Variants in CCDC171 observed in about 807,000 individuals in gnomAD.
CCDC171 encodes the protein coiled-coil domain-containing protein 171.
A neutral mutation model predicts 168.2 loss-of-function variants in CCDC171; 177 were observed. The ratio of observed to expected loss-of-function variants is 1.05; its 90% CI spans 0.93 to 1.19. The LOEUF is 1.19. Among genes scored for constraint, CCDC171 ranks in the 50% most tolerant of loss-of-function variants. The probability of loss-of-function intolerance (pLI) is 0.00; values close to 1 mark genes in which losing one functional copy is unlikely to be tolerated. For missense variants in CCDC171, 1,991 were observed against 1,539.0 expected (o/e 1.29, Z -4.91); for synonymous variants, 687 against 540.8 (o/e 1.27, Z -3.75).
the CCDC171 span, among the ~76,000 whole-genome samples, chr9:16,092,734 C>T: frequency 2.6e-5 from 4 of 152,170 alleles, no homozygotes; most frequent in Non-Finnish European, 5.9e-5. Flanking sequence ...GCAAGTTTAC[C>T]CTGGGCTCAC....
chr9:15,564,193 C>A, intron 2 of CCDC171, 64 bp downstream of exon 2: 2 of 1,256,358 alleles, frequency 1.6e-6, no homozygotes, highest in South Asian at 2.5e-5. Context: ...AGGGAGAAGT[C>A]AGTGGTTGTA....
intron 8 of CCDC171, among the ~76,000 whole-genome samples, chr9:15,659,304 T>C (rs1587794840): frequency 6.6e-6 from 1 of 152,212 alleles, no homozygotes; most frequent in African/African-American, 2.4e-5. Context: ...AGGAGATTTG[T>C]TGGACCTGCT....
At chr9:16,080,848 C>A in the CCDC171 span, among the ~76,000 whole-genome samples, 1 of 152,124 alleles carries the variant, frequency 6.6e-6, no homozygotes, top group Admixed American at 6.6e-5. Context: ...TCTGCTGCCC[C>A]CAGGCTGTAT....
chr9:15,770,417 C>A (rs1480051825), intron 18 of CCDC171, among the ~76,000 whole-genome samples: 1 of 152,088 alleles, frequency 6.6e-6, no homozygotes, highest in African/African-American at 2.4e-5. Context: ...AATCCCACAT[C>A]TCTTGATTTA....
intron 3 of CCDC171, among the ~76,000 whole-genome samples, chr9:15,987,937 T>C (rs914492059): frequency 6.6e-6 from 1 of 152,168 alleles, no homozygotes; most frequent in African/African-American, 2.4e-5. Flanking sequence ...CACTGAACCA[T>C]TGGGAAAAAA....
intron 21 of CCDC171, among the ~76,000 whole-genome samples, chr9:15,834,844 G>A (rs1400913012): frequency 6.6e-6 from 1 of 152,162 alleles, no homozygotes; most frequent in East Asian, 1.9e-4. Context: ...AGATGAAACA[G>A]GATGCTACTT....
chr9:16,052,627 AG>A (rs1311894965), intron 1 of CCDC171, among the ~76,000 whole-genome samples: 1 of 152,128 alleles, frequency 6.6e-6, no homozygotes, highest in African/African-American at 2.4e-5. Context: ...AACATTCTTA[AG>A]AGTTAATCAT....
intron 24 of CCDC171, chr9:15,887,743 G>A (rs1051576021): frequency 1.6e-4 from 24 of 151,840 alleles, no homozygotes; most frequent in African/African-American, 5.8e-4. Flanking sequence ...ATTTCATTTA[G>A]AAATAGTATT....
the CCDC171 span, among the ~76,000 whole-genome samples, chr9:16,079,139 C>T: frequency 6.6e-6 from 1 of 152,198 alleles, no homozygotes; most frequent in South Asian, 2.1e-4. Flanking sequence ...TTTGACCAAT[C>T]ATTGTTTTGT....
At chr9:16,023,507 A>G (rs1011629940) in intron 6 of CCDC171, among the ~76,000 whole-genome samples, 2 of 152,294 alleles carry the variant, frequency 1.3e-5, no homozygotes, top group Admixed American at 1.3e-4. Flanking sequence ...ATTTATTCCT[A>G]TAGCTTGAGG....
At chr9:15,892,970 A>G (rs1430897027) in intron 24 of CCDC171, among the ~76,000 whole-genome samples, 1 of 152,196 alleles carries the variant, frequency 6.6e-6, no homozygotes, top group Admixed American at 6.5e-5. Context: ...AAGAACCTGA[A>G]TAGCCAAGAC....
At chr9:15,854,803 A>G (rs536979886) in intron 23 of CCDC171, among the ~76,000 whole-genome samples, 2 of 151,610 alleles carry the variant, frequency 1.3e-5, no homozygotes, top group East Asian at 3.9e-4. Context: ...ATATTCATCT[A>G]TTTCAAAATA....
chr9:15,640,765 C>T (rs1268803804), intron 7 of CCDC171, among the ~76,000 whole-genome samples: 1 of 152,064 alleles, frequency 6.6e-6, no homozygotes, highest in Non-Finnish European at 1.5e-5. Context: ...ATATATGACT[C>T]TAGCGATTAA....
chr9:15,926,667 G>A (rs570041574), intron 25 of CCDC171, among the ~76,000 whole-genome samples: 5 of 151,620 alleles, frequency 3.3e-5, no homozygotes, highest in Non-Finnish European at 5.9e-5. Context: ...TTTGATATTT[G>A]TAATAAGTAG....
chr9:15,579,547 T>C (rs1212750593), intron 4 of CCDC171, among the ~76,000 whole-genome samples: 1 of 152,170 alleles, frequency 6.6e-6, no homozygotes, highest in East Asian at 1.9e-4. Flanking sequence ...AATAAAGCCT[T>C]TCTATTTACA....
At chr9:15,869,199 G>A (rs1314350061) in intron 23 of CCDC171, among the ~76,000 whole-genome samples, 1 of 151,938 alleles carries the variant, frequency 6.6e-6, no homozygotes, top group African/African-American at 2.4e-5. Flanking sequence ...AGTACTTTTG[G>A]AGGTACTAAT....
At chr9:15,637,910 A>C (rs1391792136) in intron 7 of CCDC171, among the ~76,000 whole-genome samples, 2 of 152,050 alleles carry the variant, frequency 1.3e-5, no homozygotes, top group Non-Finnish European at 2.9e-5. Flanking sequence ...TGCTATTGTG[A>C]ATAGTGCCGC....
chr9:15,937,537 T>G (rs988407672), intron 25 of CCDC171, among the ~76,000 whole-genome samples: 2 of 151,992 alleles, frequency 1.3e-5, no homozygotes, highest in African/African-American at 4.8e-5. Flanking sequence ...TTTAGATGTC[T>G]AAAATCCCCC....
intron 6 of CCDC171, among the ~76,000 whole-genome samples, chr9:15,594,547 C>T (rs535670826): frequency 1.3e-4 from 20 of 152,182 alleles, no homozygotes; most frequent in African/African-American, 4.8e-4. Flanking sequence ...AATTTTTGAA[C>T]TCTTTTTAAG....
Sources: gnomAD v4.1 joint callset for allele counts (sites outside exome capture counted in the v4.1 genomes callset) on GRCh38, gnomAD v4.1.1 for gene constraint, MANE v1.5 for transcripts, NCBI Gene and HGNC (gene_info 2026-07-23, HGNC 2026-07-21) for gene names.